The following FAM13A variants were observed in gnomAD, a reference collection of about 807,000 sequenced individuals.
FAM13A encodes the protein family with sequence similarity 13 member A.
A neutral mutation model predicts 129.6 loss-of-function variants in FAM13A; 76 were observed. The ratio of observed to expected loss-of-function variants is 0.59; its 90% confidence interval spans 0.49 to 0.71. FAM13A has a LOEUF of 0.71. FAM13A is among the 30% of genes least tolerant of loss of function. The pLI is 0.00. For missense variants in FAM13A, 1,108 were observed against 1,249.3 expected, an observed-to-expected ratio of 0.89 and a Z score of 1.70; for synonymous variants, 443 against 449.9, an observed-to-expected ratio of 0.98 and a Z score of 0.20.
At chr4:88,964,714 A>G (rs1579529152) in intron 4 of FAM13A, among the ~76,000 whole-genome samples, 1 of 148,516 alleles carries the variant, frequency 6.7e-6, no homozygotes, top group East Asian at 2.0e-4. Flanking sequence ...TGCAACGTCC[A>G]CATCCCTGGT....
rs12503102 is a variant in FAM13A, at chr4:88,827,694, T to A, written c.1008-22642A>T. ...CCTACCCTCAACCAAATCTATTGAT[T>A]GACCTGTCATGTTTCTTTAATCAAT... On this transcript the variant is annotated intron_variant, in intron 7 of 23. Coordinates refer to ENST00000264344, the MANE Select transcript of FAM13A (RefSeq NM_014883.4). Among the ~76,000 whole-genome samples, 627 of 152,308 alleles carry A rather than the reference T, an allele frequency of 4.1e-3. 5 individuals carry two copies. Among genetic ancestry groups the A allele is most frequent in the Admixed American group, 0.018 (268 of 15,308 alleles).
chr4:89,012,121 A>G (rs1765814835), intron 3 of FAM13A, among the ~76,000 whole-genome samples: 1 of 152,224 alleles, frequency 6.6e-6, no homozygotes, highest in South Asian at 2.1e-4. Context: ...TCAATTAAAA[A>G]TATTTCTAGT....
chr4:88,926,346 TG>T (rs993723916), intron 5 of FAM13A, among the ~76,000 whole-genome samples: 6 of 152,140 alleles, frequency 3.9e-5, no homozygotes, highest in African/African-American at 1.4e-4. Flanking sequence ...AAAACATAAG[TG>T]ATCTTTAAAA....
At chr4:88,869,859 G>A (rs543346749) in intron 6 of FAM13A, among the ~76,000 whole-genome samples, 4 of 152,276 alleles carry the variant, frequency 2.6e-5, no homozygotes, top group Admixed American at 6.5e-5. Flanking sequence ...ATGAAAAGAC[G>A]AAAGGACTAA....
chr4:88,951,505 A>T (rs1409587785), intron 4 of FAM13A, among the ~76,000 whole-genome samples: 1 of 152,210 alleles, frequency 6.6e-6, no homozygotes, highest in Non-Finnish European at 1.5e-5. Flanking sequence ...GATTACTTAT[A>T]AATTTTATGT....
intron 2 of FAM13A, among the ~76,000 whole-genome samples, chr4:89,025,505 C>T (rs1483804618): frequency 1.3e-5 from 2 of 151,306 alleles, no homozygotes; most frequent in African/African-American, 2.4e-5. Flanking sequence ...ACCTCATGAT[C>T]CACCCGCCTC....
chr4:88,953,670 C>T (rs921337801), intron 4 of FAM13A, among the ~76,000 whole-genome samples: 4 of 152,128 alleles, frequency 2.6e-5, no homozygotes, highest in African/African-American at 9.7e-5. Context: ...AACCACTATT[C>T]TGTTTCTATG....
intron 7 of FAM13A, among the ~76,000 whole-genome samples, chr4:88,827,195 A>G (rs1409311896): frequency 1.3e-5 from 2 of 152,162 alleles, no homozygotes; most frequent in Non-Finnish European, 2.9e-5. Flanking sequence ...ACTCACCTTC[A>G]GTTTTCTGAA....
chr4:88,778,513 GCT>G (rs1287700435), intron 11 of FAM13A, among the ~76,000 whole-genome samples: 1 of 152,184 alleles, frequency 6.6e-6, no homozygotes, highest in Non-Finnish European at 1.5e-5. Flanking sequence ...TGGGAACAGT[GCT>G]CTCTAGATCA....
chr4:88,930,883 A>T lies in FAM13A; in HGVS notation c.759+7205T>A, dbSNP rs150074559. Among the ~76,000 whole-genome samples the T allele has an allele frequency of 7.8e-3, 1,188 of 152,190 alleles. 10 individuals are homozygous for T. The highest frequency in any genetic ancestry group is 0.01 in the Admixed American group (159 of 15,294). ...TCCCACAGCCGCTTATAGCAAGGTG[A>T]TATGTATTGTCCTAAGCTTAGGAGA... is the stretch of plus-strand genomic sequence containing the variant. On this transcript the variant is annotated intron_variant, in intron 5 of 23. Transcript: ENST00000264344.
intron 7 of FAM13A, among the ~76,000 whole-genome samples, chr4:88,841,331 T>C (rs1735781303): frequency 6.6e-6 from 1 of 151,782 alleles, no homozygotes; most frequent in African/African-American, 2.4e-5. Flanking sequence ...CTGTCTTTAC[T>C]AGAAATACAA....
chr4:89,007,283 G>C (rs1765169182), intron 3 of FAM13A, among the ~76,000 whole-genome samples: 1 of 152,122 alleles, frequency 6.6e-6, no homozygotes, highest in African/African-American at 2.4e-5. Context: ...CTGTCTTCTA[G>C]AGCTAAAAGG....
intron 6 of FAM13A, among the ~76,000 whole-genome samples, chr4:88,859,199 G>C (rs1739067890): frequency 6.6e-6 from 1 of 152,282 alleles, no homozygotes; most frequent in African/African-American, 2.4e-5. Context: ...TCAAAGGAGG[G>C]TTGTTTTTAT....
At chr4:88,741,923 A>G (rs74335424) in intron 19 of FAM13A, among the ~76,000 whole-genome samples, 16 of 152,352 alleles carry the variant, frequency 1.1e-4, no homozygotes, top group Non-Finnish European at 2.2e-4. Context: ...TGACTTGTAC[A>G]ATGTCACATG....
At chr4:88,739,682 G>GGAGGCT (rs1739788711) in intron 19 of FAM13A, among the ~76,000 whole-genome samples, 1 of 150,526 alleles carries the variant, frequency 6.6e-6, no homozygotes, top group Non-Finnish European at 1.5e-5. Context: ...CAGCTATGCA[G>GGAGGCT]GAGGCTGAGG....
At chr4:88,870,780 C>A (rs1741247554) in intron 6 of FAM13A, among the ~76,000 whole-genome samples, 1 of 152,212 alleles carries the variant, frequency 6.6e-6, no homozygotes, top group African/African-American at 2.4e-5. Context: ...ATTCTTCCAG[C>A]ACGGTGTTTG....
chr4:88,750,717 G>C (rs1742403127), intron 14 of FAM13A, 80 bp from the exon 15 acceptor site: 1 of 1,075,500 alleles, frequency 9.3e-7, no homozygotes, highest in Non-Finnish European at 1.4e-6. Context: ...TGTTTCCCAG[G>C]CTTCCCAGAT....
At chr4:88,765,710 T>C (rs917425120) in intron 13 of FAM13A, among the ~76,000 whole-genome samples, 1 of 152,222 alleles carries the variant, frequency 6.6e-6, no homozygotes, top group Non-Finnish European at 1.5e-5. Context: ...GTAGAAATCA[T>C]CCCAATCTTG....
chr4:89,046,894 A>G (rs1770925919), intron 1 of FAM13A, among the ~76,000 whole-genome samples: 1 of 152,154 alleles, frequency 6.6e-6, no homozygotes, highest in Admixed American at 6.5e-5. Flanking sequence ...TAAAAACCAA[A>G]GAGTAATAAA....
Sources: gnomAD v4.1 joint callset for allele counts (sites outside exome capture counted in the v4.1 genomes callset) on GRCh38, gnomAD v4.1.1 for gene constraint, MANE v1.5 for transcripts, NCBI Gene and HGNC (gene_info 2026-07-23, HGNC 2026-07-21) for gene names.